The following CALD1 variants were observed in gnomAD, a reference collection of about 807,000 sequenced individuals.
CALD1 encodes caldesmon.
Under a neutral mutation model 99.9 loss-of-function variants are expected in CALD1, and 33 were observed. The observed-to-expected ratio is 0.33, with a 90% confidence interval of 0.25 to 0.44. The LOEUF (loss-of-function observed/expected upper bound fraction) is 0.44. Among genes scored for constraint, CALD1 ranks in the 20% least tolerant of loss-of-function variants. The pLI is 1.00. For synonymous variants in CALD1, 310 were observed against 325.0 expected (o/e 0.95, Z 0.50); for missense variants, 861 against 962.1 (o/e 0.89, Z 1.39).
chr7:134,797,193 C>G (rs930426343), intron 1 of CALD1, among the ~76,000 whole-genome samples: 4 of 152,124 alleles, frequency 2.6e-5, no homozygotes, highest in African/African-American at 9.7e-5. Flanking sequence ...TTATATTACT[C>G]AAACTGGTTT....
At chr7:134,847,699 G>A (rs1307021925) in intron 2 of CALD1, among the ~76,000 whole-genome samples, 2 of 152,176 alleles carry the variant, frequency 1.3e-5, no homozygotes, top group Non-Finnish European at 2.9e-5. Context: ...AATTGCACCT[G>A]GTCTTAAGAG....
chr7:134,801,776 G>A (rs934587591), intron 1 of CALD1, among the ~76,000 whole-genome samples: 3 of 135,436 alleles, frequency 2.2e-5, no homozygotes, highest in African/African-American at 8.6e-5. Flanking sequence ...TCACCACTAC[G>A]CCTGCTAAAT....
Position 134,950,462 on chromosome 7 carries a change from C to T in CALD1, c.1883C>T (p.Ser628Leu), listed in dbSNP as rs753798056. 9 of 1,614,056 alleles carry T rather than the reference C, an allele frequency of 5.6e-6. No individual in the cohort carries two copies. The highest frequency in any genetic ancestry group is 1.7e-4 in the Middle Eastern group (1 of 6,058). ...KRQKMPEDGL[S>L]DDKKPFKCFT... The stretch of plus-strand genomic sequence containing the variant: ...CAGAAGATGCCAGAAGATGGCTTGT[C>T]AGATGACAAGAAACCATTCAAGTGT... Residue 628 changes from serine (S) to leucine (L), a missense_variant, in exon 9 of 15, where the codon TCA (serine) becomes TTA (leucine). Around this residue, in one of 5 missense-constraint regions of CALD1, gnomAD observed 190 missense variants for 249.0 expected, o/e 0.76. Transcript: ENST00000361675.
chr7:134,907,425 G>GA (rs1216130966), intron 3 of CALD1, among the ~76,000 whole-genome samples: 66 of 139,698 alleles, frequency 4.7e-4, no homozygotes, highest in South Asian at 6.8e-4. Context: ...AGGTTAAAAA[G>GA]AAAAAAAAAA....
intron 3 of CALD1, among the ~76,000 whole-genome samples, chr7:134,871,709 C>A (rs1474351230): frequency 6.6e-6 from 1 of 152,120 alleles, no homozygotes; most frequent in Non-Finnish European, 1.5e-5. Context: ...TTTCCTTACC[C>A]ATAAAAGCTT....
At position 134,950,234 on chromosome 7, in the gene CALD1, T is replaced by C. The variant is rs1807228504; in HGVS notation, c.1795-140T>C. 7.1e-6 allele frequency: 5 copies of C among 708,968 alleles called. No homozygotes were observed. In the South Asian group the frequency reaches 1.1e-4, roughly 15 times the overall value. 43.9% of individuals were successfully genotyped at this position (708,968 alleles called of 1,614,324 possible). On this transcript the variant is annotated intron_variant, in intron 8 of 14. Coordinates refer to ENST00000361675, the MANE Select transcript of CALD1 (RefSeq NM_033138.4). ...GACTCCAGCTCTCAGGCTAAACCTC[T>C]GGTGACCACCTAGAAGGGGAGTGTC...
At chr7:134,777,433 C>A (rs1316829373), upstream of CALD1, among the ~76,000 whole-genome samples, 1 of 152,122 alleles carries the variant, frequency 6.6e-6, no homozygotes, top group Admixed American at 6.5e-5. Context: ...AGCCATTTAT[C>A]TTCTAAAAAC....
intron 3 of CALD1, among the ~76,000 whole-genome samples, chr7:134,922,488 G>A (rs936104019): frequency 1.3e-5 from 2 of 152,268 alleles, no homozygotes; most frequent in Non-Finnish European, 2.9e-5. Flanking sequence ...TTTAAACTAC[G>A]GGGAACACGG....
chr7:134,948,942 T>C (rs2133137650), intron 8 of CALD1, among the ~76,000 whole-genome samples: 1 of 152,000 alleles, frequency 6.6e-6, no homozygotes, highest in African/African-American at 2.4e-5. Flanking sequence ...AATGCAGTGG[T>C]GCAATCTCGG....
At chr7:134,844,598 A>T (rs1799777097) in intron 2 of CALD1, among the ~76,000 whole-genome samples, 1 of 152,218 alleles carries the variant, frequency 6.6e-6, no homozygotes, top group Non-Finnish European at 1.5e-5. Context: ...TGTTGTTTCA[A>T]AATTCTATCT....
intron 1 of CALD1, among the ~76,000 whole-genome samples, chr7:134,813,479 T>C (rs930093571): frequency 6.6e-6 from 1 of 152,128 alleles, no homozygotes; most frequent in Non-Finnish European, 1.5e-5. Flanking sequence ...TAGAGCTAAG[T>C]AGGGTTGACC....
Position 134,941,163 on chromosome 7 carries a change from G to C in CALD1, c.1458G>C (p.Lys486Asn). The change falls in exon 7 of 15, where the codon AAG becomes AAC. Residue 486 changes from lysine to asparagine, a missense_variant. Coordinates refer to ENST00000361675, the MANE Select transcript of CALD1 (RefSeq NM_033138.4). ...EEVKSFMDRK[K>N]GFTEVKSQNG... ...TTAAGAGCTTCATGGATCGAAAGAA[G>C]GGATTTACAGAAGTTAAGTCGCAGA... The C allele has an allele frequency of 6.2e-7, 1 of 1,612,882 alleles. No homozygotes were observed. The highest frequency in any genetic ancestry group is 8.5e-7 in the Non-Finnish European group (1 of 1,179,322).
At chr7:134,730,463 G>A in the CALD1 span, among the ~76,000 whole-genome samples, 1 of 152,104 alleles carries the variant, frequency 6.6e-6, no homozygotes, top group East Asian at 1.9e-4. Flanking sequence ...AAGAGCATTA[G>A]GAACTATCCA....
intron 2 of CALD1, 91 bp from the exon 3 acceptor site, chr7:134,867,597 CAGGAG>C: frequency 2.0e-6 from 1 of 494,980 alleles, no homozygotes; most frequent in South Asian, 3.5e-5. Context: ...AAAGAAAAAT[CAGGAG>C]AATGACAAAT....
At chr7:134,759,122 AG>A (rs1172020582) in intron 1 of CALD1, among the ~76,000 whole-genome samples, 1 of 152,246 alleles carries the variant, frequency 6.6e-6, no homozygotes, top group East Asian at 1.9e-4. Context: ...ACGTTTATAA[AG>A]AGCTACTCAG....
At chr7:134,877,054 CTTATAAGGTTTAATGCAGA>C (rs371679132) in intron 3 of CALD1, among the ~76,000 whole-genome samples, 9 of 152,184 alleles carry the variant, frequency 5.9e-5, no homozygotes, top group African/African-American at 2.2e-4. Flanking sequence ...ACAGTTCTTC[CTTATAAGGTTTAATGCAGA>C]TTATAAAGCA....
intron 3 of CALD1, among the ~76,000 whole-genome samples, chr7:134,921,609 C>T (rs1017520219): frequency 7.9e-5 from 12 of 152,230 alleles, no homozygotes; most frequent in Middle Eastern, 3.4e-3. Context: ...GTCAGGAGTT[C>T]GAGACCAGTC....
At chr7:134,931,262 A>G (rs1045811707) in intron 4 of CALD1, among the ~76,000 whole-genome samples, 9 of 152,188 alleles carry the variant, frequency 5.9e-5, no homozygotes, top group African/African-American at 2.2e-4. Context: ...AGAAATGTTC[A>G]ATACAGTTTG....
At chr7:134,816,295 T>A (rs1342576915) in intron 1 of CALD1, among the ~76,000 whole-genome samples, 1 of 152,164 alleles carries the variant, frequency 6.6e-6, no homozygotes, top group African/African-American at 2.4e-5. Flanking sequence ...CTGCATCAAG[T>A]AAGGATGAGG....
Sources: gnomAD v4.1 joint callset for allele counts (sites outside exome capture counted in the v4.1 genomes callset) on GRCh38, gnomAD v4.1.1 for gene constraint, gnomAD v4.1.1 regional missense constraint, MANE v1.5 for transcripts, NCBI Gene and HGNC (gene_info 2026-07-23, HGNC 2026-07-21) for gene names.